PCDH11X: variants seen among roughly 807,000 people sequenced by gnomAD.
PCDH11X encodes the protein protocadherin-11 X-linked.
Under a neutral mutation model 53.3 loss-of-function variants are expected in PCDH11X, and 18 were observed. That is an observed-to-expected ratio of 0.34 (90% confidence interval 0.23 to 0.50). PCDH11X has a LOEUF of 0.50. Ranked by LOEUF, PCDH11X falls within the 20% of genes least tolerant of loss-of-function variation. The pLI is 0.98. For synonymous variants in PCDH11X, 279 were observed against 393.3 expected, an observed-to-expected ratio of 0.71 and a Z score of 3.44; for missense variants, 570 against 1,032.4, an observed-to-expected ratio of 0.55 and a Z score of 6.14.
chrX:91,877,827 T>C lies in PCDH11X; in HGVS notation c.1587T>C (p.Asp529=). 8.3e-7 allele frequency: 1 copy of C among 1,211,077 alleles called. No homozygotes were observed. The highest frequency in any genetic ancestry group is 1.1e-6 in the Non-Finnish European group (1 of 895,297). Residue 529 remains aspartate (D), a synonymous_variant, in exon 6 of 11, where the codon GAT becomes GAC. Transcript: ENST00000682573. ...TGMLTVVKKL[D]REKEDKYLFT... ...TGCTGACTGTAGTGAAGAAACTAGA[T>C]AGAGAAAAAGAGGATAAATATTTAT...
rs1353307379 is a variant in PCDH11X, at chrX:92,178,973, A to T, written c.3034-22402A>T. On this transcript the variant is annotated intron_variant, in intron 6 of 10. Transcript: ENST00000682573. Reference sequence around the variant, plus strand: ...CATGGATTCCAGTGAGAAGTTTTCAAATAACTCTATTTTTTTATCAGCTTT... The same window carrying T: ...CATGGATTCCAGTGAGAAGTTTTCATATAACTCTATTTTTTTATCAGCTTT... Among the ~76,000 whole-genome samples the T allele has an allele frequency of 5.3e-5, 6 of 112,172 alleles. No homozygotes were observed. The East Asian group carries it at 1.7e-3, about 31-fold the overall frequency.
intron 7 of PCDH11X, among the ~76,000 whole-genome samples, chrX:92,260,675 C>T (rs757054060): frequency 9.0e-6 from 1 of 111,222 alleles, no homozygotes; most frequent in South Asian, 3.8e-4. Context: ...CACCATCTTG[C>T]TCTGCCTCCA....
At chrX:91,913,118 C>T (rs778159539) in intron 6 of PCDH11X, among the ~76,000 whole-genome samples, 95 of 111,087 alleles carry the variant, frequency 8.6e-4, no homozygotes, top group African/African-American at 3.0e-3. Context: ...GAAAGGTGGC[C>T]AGAGGAATTG....
intron 8 of PCDH11X, among the ~76,000 whole-genome samples, chrX:92,367,473 T>C (rs1293991639): frequency 9.9e-5 from 11 of 111,099 alleles, no homozygotes; most frequent in Non-Finnish European, 1.9e-5. Context: ...TGTCTTTTAA[T>C]TGGGGCATTT....
chrX:92,268,615 C>A (rs900051394), intron 8 of PCDH11X, among the ~76,000 whole-genome samples: 3 of 111,935 alleles, frequency 2.7e-5, no homozygotes, highest in African/African-American at 9.7e-5. Context: ...TATAGATATG[C>A]TCTTCTAGGG....
Position 92,239,744 on chromosome X carries a change from T to A in PCDH11X, c.3115-23370T>A, listed in dbSNP as rs201787901. On this transcript the variant is annotated intron_variant, in intron 7 of 10. Coordinates refer to ENST00000682573, the MANE Select transcript of PCDH11X (RefSeq NM_032968.5). ...ATAATGCAGTGTATACCATAGTTAT[T>A]TATTATCCTCCATTACACATTTCTG... 2.3e-4 allele frequency among the ~76,000 whole-genome samples: 26 copies of A among 111,574 alleles called. No homozygotes were observed. The East Asian group carries it at 6.8e-3, about 29-fold the overall frequency.
At chrX:91,928,253 C>T (rs1449568403) in intron 6 of PCDH11X, among the ~76,000 whole-genome samples, 1 of 109,475 alleles carries the variant, frequency 9.1e-6, no homozygotes, top group African/African-American at 3.3e-5. Context: ...CCTAATCAAA[C>T]GTGGCTCTTG....
intron 1 of PCDH11X, among the ~76,000 whole-genome samples, chrX:91,807,702 G>A (rs1343212651): frequency 9.0e-6 from 1 of 111,412 alleles, no homozygotes; most frequent in African/African-American, 3.3e-5. Flanking sequence ...TAACATAGCT[G>A]TAGCCCCTAA....
chrX:91,984,743 G>A (rs1023220792), intron 6 of PCDH11X, among the ~76,000 whole-genome samples: 2 of 111,068 alleles, frequency 1.8e-5, no homozygotes, highest in African/African-American at 3.3e-5. Flanking sequence ...CCTTTCTCCC[G>A]CCCCCCATCC....
chrX:92,094,130 AAT>A (rs1041196272), intron 6 of PCDH11X, among the ~76,000 whole-genome samples: 9 of 64,761 alleles, frequency 1.4e-4, no homozygotes, highest in African/African-American at 2.2e-4. Flanking sequence ...ACAAAAAAGT[AAT>A]ATGTGTGTGT....
chrX:92,607,972 C>T (rs34980864), intron 10 of PCDH11X, among the ~76,000 whole-genome samples: 3 of 111,056 alleles, frequency 2.7e-5, no homozygotes, highest in African/African-American at 9.8e-5. Context: ...CGTTTATTTT[C>T]AGTGAGCTCT....
At chrX:91,790,686 C>T (rs1935501820) in intron 1 of PCDH11X, among the ~76,000 whole-genome samples, 1 of 110,892 alleles carries the variant, frequency 9.0e-6, no homozygotes, top group Non-Finnish European at 1.9e-5. Context: ...CACAACTAGA[C>T]TTTTATCTTA....
At chrX:92,041,123 A>G (rs768191435) in intron 6 of PCDH11X, among the ~76,000 whole-genome samples, 1 of 106,915 alleles carries the variant, frequency 9.4e-6, no homozygotes, top group South Asian at 4.3e-4. Context: ...GTAACATTTC[A>G]TGTCCTCTTT....
chrX:92,134,532 G>A (rs1009186822), intron 6 of PCDH11X, among the ~76,000 whole-genome samples: 10 of 111,171 alleles, frequency 9.0e-5, no homozygotes, highest in Non-Finnish European at 1.7e-4. Flanking sequence ...AACCGAAAAG[G>A]GGTCTCGATC....
intron 10 of PCDH11X, among the ~76,000 whole-genome samples, chrX:92,527,932 A>G (rs904984478): frequency 4.5e-5 from 5 of 112,072 alleles, no homozygotes; most frequent in African/African-American, 1.6e-4. Flanking sequence ...GAAAGAGTAC[A>G]TGAGTGAATT....
intron 10 of PCDH11X, among the ~76,000 whole-genome samples, chrX:92,496,421 G>A (rs1239388845): frequency 9.3e-6 from 1 of 107,323 alleles, no homozygotes; most frequent in East Asian, 2.8e-4. Flanking sequence ...AGGCCATCTA[G>A]GAATTAATCG....
At chrX:92,035,288 T>G (rs1193648668) in intron 6 of PCDH11X, among the ~76,000 whole-genome samples, 1 of 111,875 alleles carries the variant, frequency 8.9e-6, no homozygotes, top group Non-Finnish European at 1.9e-5. Flanking sequence ...TCTTTCAGAT[T>G]GAAGCATTCC....
intron 4 of PCDH11X, among the ~76,000 whole-genome samples, chrX:91,819,725 G>A (rs1182854173): frequency 9.9e-6 from 1 of 100,505 alleles, no homozygotes; most frequent in African/African-American, 3.7e-5. Flanking sequence ...CATTGTGCAG[G>A]TTAGTTACAT....
chrX:92,120,466 C>A (rs2064737717), intron 6 of PCDH11X, among the ~76,000 whole-genome samples: 2 of 112,921 alleles, frequency 1.8e-5, no homozygotes. Context: ...CCACCATTTT[C>A]TAACTTTTCT....
Sources: allele counts gnomAD v4.1 joint callset (sites outside exome capture counted in the v4.1 genomes callset), GRCh38; gene constraint gnomAD v4.1.1; transcripts MANE v1.5; gene names NCBI Gene and HGNC (gene_info 2026-07-23, HGNC 2026-07-21).